DAP: variants seen among roughly 807,000 people sequenced by gnomAD.
DAP encodes death associated protein, also known as death-associated protein 1.
In DAP, 8 loss-of-function variants were observed where a neutral mutation model predicts 13.8. The observed-to-expected ratio is 0.58, with a 90% CI of 0.34 to 1.05. DAP has a LOEUF of 1.05. DAP is among the 50% of genes least tolerant of loss of function. The pLI is 0.03. For missense variants in DAP, 106 were observed against 133.2 expected, an observed-to-expected ratio of 0.80 and a Z score of 1.01; for synonymous variants, 47 against 47.5, an observed-to-expected ratio of 0.99 and a Z score of 0.04.
intron 1 of DAP, among the ~76,000 whole-genome samples, chr5:10,751,493 A>G (rs56772895): frequency 0.16 from 24,540 of 152,036 alleles, 2,182 homozygotes; most frequent in East Asian, 0.31. Flanking sequence ...CCCACTAAAT[A>G]TTTTTTAAAA....
At chr5:10,757,685 A>G (rs1474773632) in intron 1 of DAP, among the ~76,000 whole-genome samples, 1 of 152,212 alleles carries the variant, frequency 6.6e-6, no homozygotes, top group African/African-American at 2.4e-5. Context: ...ACATTGTGAC[A>G]CTCAACAAAC....
At chr5:10,747,158 C>A (rs1047197539) in intron 2 of DAP, among the ~76,000 whole-genome samples, 22 of 152,240 alleles carry the variant, frequency 1.4e-4, no homozygotes, top group Non-Finnish European at 1.6e-4. Flanking sequence ...TCCACACCCT[C>A]TCCTCTTCTG....
At chr5:10,744,766 A>G (rs1739859918) in intron 2 of DAP, among the ~76,000 whole-genome samples, 1 of 152,244 alleles carries the variant, frequency 6.6e-6, no homozygotes, top group Non-Finnish European at 1.5e-5. Flanking sequence ...GGTGAGCACT[A>G]AATTCAACGT....
chr5:10,695,099 T>A (rs1004348321), intron 2 of DAP, among the ~76,000 whole-genome samples: 1 of 152,258 alleles, frequency 6.6e-6, no homozygotes, highest in African/African-American at 2.4e-5. Context: ...ATAATTAGCA[T>A]GGCTGGTGAG....
At chr5:10,724,931 G>C (rs1739247723) in intron 2 of DAP, among the ~76,000 whole-genome samples, 1 of 152,056 alleles carries the variant, frequency 6.6e-6, no homozygotes, top group Admixed American at 6.5e-5. Context: ...AGAAGGTGGG[G>C]GTTCTGCAGC....
At chr5:10,724,621 G>T (rs1012881172) in intron 2 of DAP, among the ~76,000 whole-genome samples, 2 of 152,210 alleles carry the variant, frequency 1.3e-5, no homozygotes, top group Non-Finnish European at 2.9e-5. Flanking sequence ...TGTGGACTAT[G>T]TGTACCTAAA....
At chr5:10,704,303 G>A (rs773886982) in intron 2 of DAP, among the ~76,000 whole-genome samples, 7 of 152,102 alleles carry the variant, frequency 4.6e-5, no homozygotes, top group Admixed American at 6.5e-5. Flanking sequence ...TAGGATTTAG[G>A]GACCATAAAT....
chr5:10,704,006 C>G (rs1016751851), intron 2 of DAP, among the ~76,000 whole-genome samples: 2 of 152,222 alleles, frequency 1.3e-5, no homozygotes, highest in African/African-American at 4.8e-5. Flanking sequence ...CAACCTCTTG[C>G]CTGAACCTGG....
intron 2 of DAP, among the ~76,000 whole-genome samples, chr5:10,702,476 A>G (rs1161314909): frequency 6.6e-6 from 1 of 152,200 alleles, no homozygotes; most frequent in East Asian, 1.9e-4. Flanking sequence ...GGAGTCCCCA[A>G]GCAAATGGGC....
intron 2 of DAP, among the ~76,000 whole-genome samples, chr5:10,708,894 G>A (rs1561015740): frequency 6.6e-6 from 1 of 152,186 alleles, no homozygotes; most frequent in South Asian, 2.1e-4. Flanking sequence ...ACCTTATTTC[G>A]TTGGATTTCA....
chr5:10,733,155 CGTGTGTGTGTGTGTGT>C (rs55645932), intron 2 of DAP, among the ~76,000 whole-genome samples: 9,729 of 128,420 alleles, frequency 0.076, 502 homozygotes, highest in East Asian at 0.28. Context: ...AATATTCCTG[CGTGTGTGTGTGTGTGT>C]GTGTGTGTGT....
intron 2 of DAP, among the ~76,000 whole-genome samples, chr5:10,725,603 A>G (rs542866639): frequency 6.6e-6 from 1 of 152,338 alleles, no homozygotes; most frequent in East Asian, 1.9e-4. Flanking sequence ...TCTGTCTTAA[A>G]TGAGCTTGAT....
chr5:10,727,529 C>T (rs77455084), intron 2 of DAP, among the ~76,000 whole-genome samples: 6,262 of 152,176 alleles, frequency 0.041, 197 homozygotes, highest in South Asian at 0.081. Context: ...GCTCAAGGGC[C>T]CGACTTCATT....
intron 2 of DAP, among the ~76,000 whole-genome samples, chr5:10,688,809 G>C (rs887131299): frequency 2.6e-5 from 4 of 151,686 alleles, no homozygotes; most frequent in Non-Finnish European, 5.9e-5. Context: ...AGGACGCAGA[G>C]GCGCCATCCA....
chr5:10,709,624 A>T (rs1279081013), intron 2 of DAP, among the ~76,000 whole-genome samples: 1 of 152,210 alleles, frequency 6.6e-6, no homozygotes, highest in African/African-American at 2.4e-5. Flanking sequence ...CCAGGTCACA[A>T]GCTAAGGTGC....
intron 2 of DAP, among the ~76,000 whole-genome samples, chr5:10,741,773 A>T (rs1739762606): frequency 6.6e-6 from 1 of 152,232 alleles, no homozygotes; most frequent in Admixed American, 6.5e-5. Flanking sequence ...GGTCATTCAC[A>T]GACACAGGCA....
At chr5:10,742,898 A>G (rs1412873247) in intron 2 of DAP, among the ~76,000 whole-genome samples, 1 of 151,214 alleles carries the variant, frequency 6.6e-6, no homozygotes, top group Non-Finnish European at 1.5e-5. Context: ...TCATTTCTGT[A>G]TATCTGTATA....
intron 2 of DAP, among the ~76,000 whole-genome samples, chr5:10,728,256 C>G (rs1739341841): frequency 6.6e-6 from 1 of 152,066 alleles, no homozygotes; most frequent in South Asian, 2.1e-4. Context: ...TGTTCATCTT[C>G]TTTTGAATTC....
intron 2 of DAP, among the ~76,000 whole-genome samples, chr5:10,686,397 G>A (rs779899279): frequency 5.9e-5 from 9 of 152,170 alleles, no homozygotes; most frequent in African/African-American, 1.9e-4. Flanking sequence ...AAGACATGTC[G>A]GAAGCTCAGA....
Sources: gnomAD v4.1 joint callset for allele counts (sites outside exome capture counted in the v4.1 genomes callset) on GRCh38, gnomAD v4.1.1 for gene constraint, MANE v1.5 for transcripts, NCBI Gene and HGNC (gene_info 2026-07-23, HGNC 2026-07-21) for gene names.